The following NOL3 variants were observed in gnomAD, a reference collection of about 807,000 sequenced individuals.
NOL3 encodes nucleolar protein 3.
In NOL3, 18 loss-of-function variants were observed where a neutral mutation model predicts 19.2. That is an observed-to-expected ratio of 0.94 (90% confidence interval 0.65 to 1.39). The LOEUF (loss-of-function observed/expected upper bound fraction) is 1.39, where lower values mean the gene tolerates loss of function less well. Among genes scored for constraint, NOL3 ranks in the 40% most tolerant of loss-of-function variants. NOL3 has a pLI of 0.00. For missense variants in NOL3, 290 were observed against 289.5 expected, an observed-to-expected ratio of 1.00 and a Z score of -0.01; for synonymous variants, 127 against 137.3, an observed-to-expected ratio of 0.93 and a Z score of 0.52.
At chr16:67,173,425 G>T (rs968552339) in intron 1 of NOL3, among the ~76,000 whole-genome samples, 1 of 152,220 alleles carries the variant, frequency 6.6e-6, no homozygotes, top group African/African-American at 2.4e-5. Flanking sequence ...CTACATTGGG[G>T]TTGCACTATG....
exon 2 of NOL3, chr16:67,174,163 C>A: frequency 1.2e-6 from 2 of 1,607,308 alleles, no homozygotes; most frequent in Non-Finnish European, 1.7e-6. Context: ...CCCATGCAGC[C>A]CCGACAATGG....
chr16:67,173,276 C>G (rs558737257), intron 1 of NOL3, among the ~76,000 whole-genome samples: 1 of 152,228 alleles, frequency 6.6e-6, no homozygotes, highest in East Asian at 1.9e-4. Context: ...AGCAGAGAGA[C>G]AGTCACATTA....
Position 67,170,809 on chromosome 16 carries a change from C to T in NOL3, c.-9+235C>T, listed in dbSNP as rs950174209. Among the ~76,000 whole-genome samples, 4 of 152,126 alleles carry T rather than the reference C, an allele frequency of 2.6e-5. No individual in the cohort carries two copies. The stretch of plus-strand genomic sequence containing the variant: ...GGGAAAATCCGTGCAGTCGCACATG[C>T]GCAAAGGCTCTTCACTGTCCCAAGA... On this transcript the variant is annotated intron_variant, in intron 1 of 3. Transcript: ENST00000268605. The surrounding 1 kb of genome is among the most constrained non-coding windows in gnomAD (Gnocchi z 5.7).
At chr16:67,171,423 A>C (rs2031750564) in intron 1 of NOL3, 1 of 152,370 alleles carries the variant, frequency 6.6e-6, no homozygotes, top group African/African-American at 2.4e-5. Context: ...CTTAGCGATC[A>C]GCATCAGCAA....
chr16:67,174,320 C>T (rs766112582), exon 2 of NOL3: 1 of 1,605,704 alleles, frequency 6.2e-7, no homozygotes, highest in Non-Finnish European at 8.5e-7. Context: ...ATTGGATGCA[C>T]TGCCTGATGC....
intron 1 of NOL3, chr16:67,171,692 A>C (rs2031770636): frequency 6.6e-6 from 1 of 152,172 alleles, no homozygotes; most frequent in Non-Finnish European, 1.5e-5. Flanking sequence ...TTACCACTGA[A>C]TCTCTGAGCC....
chr16:67,172,655 A>G (rs969079378), intron 1 of NOL3: 2 of 150,786 alleles, frequency 1.3e-5, no homozygotes, highest in African/African-American at 2.4e-5. Context: ...TCTCCCTAAT[A>G]GCCGCTGTTG....
At chr16:67,172,645 TCTCC>T (rs2145944075) in intron 1 of NOL3, 1 of 147,336 alleles carries the variant, frequency 6.8e-6, no homozygotes, top group African/African-American at 2.5e-5. Flanking sequence ...GCAGATTGAC[TCTCC>T]CTAATAGCCG....
rs2031674169 is a variant in NOL3 at position 67,170,562 on chromosome 16, C to G, written c.-21C>G. 1 of 151,998 alleles carries G rather than the reference C, an allele frequency of 6.6e-6. No homozygotes were observed. The highest frequency in any genetic ancestry group is 1.9e-4 in the East Asian group (1 of 5,166). 9.4% of individuals were successfully genotyped at this position (151,998 alleles called of 1,614,324 possible). A position where few individuals can be genotyped will look rare whatever the true frequency, so the allele number is the denominator to read the frequency against. On this transcript the variant is annotated 5_prime_UTR_variant, in exon 1 of 4. Transcript: ENST00000268605. This position sits in a 1 kb window ranked among gnomAD's most constrained non-coding sequence, Gnocchi z 5.7. ...TCTGCACCGTCATCTCCTGCCCCGC[C>G]GAGGCTTGACCCGTGAGTGGGGACG...
intron 1 of NOL3, 154 bp from the exon 2 acceptor site, chr16:67,174,008 G>C (rs766501908): frequency 2.1e-5 from 33 of 1,543,388 alleles, no homozygotes; most frequent in Middle Eastern, 3.3e-4. Flanking sequence ...TGGCCTCCAG[G>C]TCCTGTGCTT....
At chr16:67,174,673 G>A in exon 3 of NOL3, 1 of 1,587,086 alleles carries the variant, frequency 6.3e-7, no homozygotes, top group Non-Finnish European at 8.6e-7. Flanking sequence ...GGACGCCGGA[G>A]GCACCCGGCT....
Position 67,174,738 on chromosome 16 carries a change from G to A in NOL3, c.413G>A (p.Gly138Asp), listed in dbSNP as rs1379907858. The change falls in exon 3 of 4, where the codon GGC (glycine) becomes GAC (aspartate). Residue 138 changes from glycine (G) to aspartate (D), a missense_variant. Physicochemically the swap from Gly to Asp is moderately conservative, Grantham distance 94. This residue lies in a region of NOL3 where 123 missense variants were observed against 107.0 expected (regional missense o/e 1.15). Transcript: ENST00000268605. ...GCTTCAGACCCTGACGAGGCCGGGGGCCCTGAGGGCTCCGAGGCGGTGCAA... is the reference window on the plus strand; with the variant it reads ...GCTTCAGACCCTGACGAGGCCGGGGACCCTGAGGGCTCCGAGGCGGTGCAA... The A allele has an allele frequency of 5.0e-6, 8 of 1,610,512 alleles. 1 individual carries two copies. Among genetic ancestry groups the A allele is most frequent in the South Asian group, 4.4e-5 (4 of 90,544 alleles).
rs752730325 is a variant in NOL3, at chr16:67,174,474, C to G, written c.295+10C>G. Reference sequence around the variant, plus strand: ...CAGCACGTGGGTCCGGGTGAGCGCGCGGGGCGGGGCCTAGGGCAGAGCAGG... The same window carrying G: ...CAGCACGTGGGTCCGGGTGAGCGCGGGGGGCGGGGCCTAGGGCAGAGCAGG... On this transcript the variant is annotated intron_variant, in intron 2 of 3. Transcript: ENST00000268605. 5 of 1,479,258 alleles carry G rather than the reference C, an allele frequency of 3.4e-6. No homozygotes were observed. Among genetic ancestry groups the G allele is most frequent in the Non-Finnish European group, 4.5e-6 (5 of 1,121,734 alleles). The allele number at this position is 1,479,258 out of a possible 1,614,324, so 91.6% of individuals were successfully genotyped here. A position where few individuals can be genotyped will look rare whatever the true frequency, so the allele number is the denominator to read the frequency against.
chr16:67,174,855 C>A, exon 3 of NOL3: 1 of 1,608,636 alleles, frequency 6.2e-7, no homozygotes, highest in Non-Finnish European at 8.5e-7. Flanking sequence ...GAGCTGGAAC[C>A]CGAGGCTGAA....
chr16:67,174,869 G>A, exon 3 of NOL3: 1 of 1,611,526 alleles, frequency 6.2e-7, no homozygotes, highest in Non-Finnish European at 8.5e-7. Context: ...GGCTGAAGCA[G>A]AACCAGAGCC....
At chr16:67,174,090 G>A (rs2031947564) in intron 1 of NOL3, 72 bp from the exon 2 acceptor site, 2 of 1,598,322 alleles carry the variant, frequency 1.3e-6, no homozygotes, top group South Asian at 1.1e-5. Context: ...GGGCATTGAG[G>A]GAGTGGTCAG....
exon 4 of NOL3, chr16:67,175,176 C>T: frequency 6.3e-7 from 1 of 1,576,310 alleles, no homozygotes; most frequent in Non-Finnish European, 8.6e-7. Context: ...TGAATAAACT[C>T]CGGAGGGTCG....
chr16:67,174,224 C>T (rs1380571854), exon 2 of NOL3: 1 of 1,613,040 alleles, frequency 6.2e-7, no homozygotes, highest in East Asian at 2.2e-5. Flanking sequence ...GCGGAAACGC[C>T]TGGTCGAGAC....
chr16:67,174,493 G>C, intron 2 of NOL3, 29 bp downstream of exon 2: 1 of 1,471,390 alleles, frequency 6.8e-7, no homozygotes, highest in Non-Finnish European at 8.9e-7. Context: ...GCCTAGGGCA[G>C]AGCAGGGACG....
Sources: allele counts gnomAD v4.1 joint callset (sites outside exome capture counted in the v4.1 genomes callset), GRCh38; gene constraint gnomAD v4.1.1; regional missense constraint gnomAD v4.1.1; non-coding constraint Gnocchi (gnomAD v3.1); transcripts MANE v1.5; gene names NCBI Gene and HGNC (gene_info 2026-07-23, HGNC 2026-07-21).